The following RNF13 variants were observed in gnomAD, a reference collection of about 807,000 sequenced individuals.
RNF13 encodes ring finger protein 13.
A neutral mutation model predicts 37.7 loss-of-function variants in RNF13; 19 were observed. That is an observed-to-expected ratio of 0.50 (90% confidence interval 0.35 to 0.74). RNF13 has a LOEUF of 0.74. Ranked by LOEUF, RNF13 falls within the 30% of genes least tolerant of loss-of-function variation. The probability of loss-of-function intolerance (pLI) is 0.01; values close to 1 mark genes in which losing one functional copy is unlikely to be tolerated. For missense variants in RNF13, 375 were observed against 453.0 expected (o/e 0.83, Z 1.56); for synonymous variants, 144 against 157.8 (o/e 0.91, Z 0.65).
At chr3:149,949,315 A>T (rs1721078732) in intron 8 of RNF13, among the ~76,000 whole-genome samples, 1 of 151,970 alleles carries the variant, frequency 6.6e-6, no homozygotes, top group Admixed American at 6.6e-5. Context: ...TAAACATAGC[A>T]TTCTTGATTG....
At chr3:149,855,236 T>G (rs960914719) in intron 3 of RNF13, among the ~76,000 whole-genome samples, 1 of 152,146 alleles carries the variant, frequency 6.6e-6, no homozygotes, top group Non-Finnish European at 1.5e-5. Context: ...GGAGAATCGC[T>G]TGAACCCAGG....
intron 1 of RNF13, among the ~76,000 whole-genome samples, chr3:149,831,240 A>T (rs1237781141): frequency 6.6e-6 from 1 of 152,208 alleles, no homozygotes; most frequent in Non-Finnish European, 1.5e-5. Context: ...AGACTCCAGA[A>T]TGGTAGATCC....
Position 149,895,538 on chromosome 3 carries a change from C to A in RNF13, c.387C>A (p.Leu129=), listed in dbSNP as rs369737612. The A allele has an allele frequency of 6.2e-7, 1 of 1,606,008 alleles. No individual in the cohort carries two copies. Among genetic ancestry groups the A allele is most frequent in the Non-Finnish European group, 8.5e-7 (1 of 1,174,822 alleles). The change falls in exon 5 of 10, where the codon CTC becomes CTA. Residue 129 remains leucine, a synonymous_variant. Coordinates refer to ENST00000392894, the MANE Select transcript of RNF13 (RefSeq NM_183381.3). ...TTCACAATGTTGATTCTGATGACCT[C>A]ATTAGCATGGGATCCAACGACAGTA... ...AIVHNVDSDD[L]ISMGSNDIEV...
intron 8 of RNF13, among the ~76,000 whole-genome samples, chr3:149,949,370 A>G (rs1721083966): frequency 6.6e-6 from 1 of 150,508 alleles, no homozygotes; most frequent in South Asian, 2.1e-4. Context: ...CCTAGCCTGC[A>G]GGGTTTCTGC....
At chr3:149,866,515 G>A (rs1711496957) in intron 3 of RNF13, among the ~76,000 whole-genome samples, 1 of 152,180 alleles carries the variant, frequency 6.6e-6, no homozygotes, top group African/African-American at 2.4e-5. Context: ...TATCAGCAAG[G>A]TCTTTATGAC....
In RNF13 at chr3:149,906,316, C is replaced by T. The variant is rs189152824; in HGVS notation, c.500+4154C>T. On this transcript the variant is annotated intron_variant, in intron 6 of 9. Coordinates refer to ENST00000392894, the MANE Select transcript of RNF13 (RefSeq NM_183381.3). ...TTCACTATTTGTGTACAAATTTTTA[C>T]ATGTGCATATGTTTTTATTTCTCTT... Among the ~76,000 whole-genome samples the T allele has an allele frequency of 3.2e-3, 492 of 151,858 alleles. 2 individuals are homozygous for T. The highest frequency in any genetic ancestry group is 3.3e-3 in the Non-Finnish European group (224 of 67,924).
intron 8 of RNF13, among the ~76,000 whole-genome samples, chr3:149,946,516 A>G (rs1284789338): frequency 6.6e-6 from 1 of 152,156 alleles, no homozygotes; most frequent in Non-Finnish European, 1.5e-5. Flanking sequence ...ATGTTCACAT[A>G]GATTTCTTAT....
At chr3:149,931,229 AATT>A (rs1410458082) in intron 8 of RNF13, among the ~76,000 whole-genome samples, 2 of 151,730 alleles carry the variant, frequency 1.3e-5, no homozygotes, top group Admixed American at 6.6e-5. Context: ...GTGGCCGGCT[AATT>A]TTTTTATTTT....
At chr3:149,831,252 C>G (rs1272019990) in intron 1 of RNF13, among the ~76,000 whole-genome samples, 1 of 152,192 alleles carries the variant, frequency 6.6e-6, no homozygotes, top group Non-Finnish European at 1.5e-5. Flanking sequence ...GGTAGATCCA[C>G]CAATGGCTTG....
chr3:149,881,106 A>G (rs750646646), intron 4 of RNF13, among the ~76,000 whole-genome samples: 9 of 152,242 alleles, frequency 5.9e-5, no homozygotes, highest in Non-Finnish European at 1.3e-4. Context: ...GTAATGGATC[A>G]TGACCTATAG....
chr3:149,875,692 A>ATT (rs1712599083), intron 4 of RNF13, among the ~76,000 whole-genome samples: 1 of 152,178 alleles, frequency 6.6e-6, no homozygotes, highest in Non-Finnish European at 1.5e-5. Flanking sequence ...ATGCAGCAAA[A>ATT]CCCATGCTCA....
chr3:149,921,221 A>G lies in RNF13; in HGVS notation c.694A>G (p.Lys232Glu). The change falls in exon 8 of 10, where the codon AAG becomes GAG. Residue 232 changes from lysine to glutamate, a missense_variant. Transcript: ENST00000392894. ...TAAGAAACTTCCTGTACATAAATTC[A>G]AGAAAGGTAAGTATTTGTTTTCTAA... ...QLKKLPVHKF[K>E]KGDEYDVCAI... 2 of 1,360,634 alleles carry G rather than the reference A, an allele frequency of 1.5e-6. No homozygotes were observed. Among genetic ancestry groups the G allele is most frequent in the Non-Finnish European group, 9.8e-7 (1 of 1,016,944 alleles). 84.3% of individuals were successfully genotyped at this position (1,360,634 alleles called of 1,614,324 possible).
intron 8 of RNF13, among the ~76,000 whole-genome samples, chr3:149,927,655 T>A (rs939765490): frequency 6.6e-6 from 1 of 152,224 alleles, no homozygotes; most frequent in African/African-American, 2.4e-5. Context: ...AATATAGCTA[T>A]CCTAATGGGT....
At position 149,872,163 on chromosome 3, in the gene RNF13, A is replaced by T; in HGVS notation, c.321+9A>T. The T allele has an allele frequency of 1.3e-6, 2 of 1,515,286 alleles. No individual in the cohort carries two copies. The highest frequency in any genetic ancestry group is 1.8e-6 in the Non-Finnish European group (2 of 1,119,204). 93.9% of individuals were successfully genotyped at this position (1,515,286 alleles called of 1,614,324 possible). The stretch of plus-strand genomic sequence containing the variant: ...GTAATTTTGATATAAAGGTATGATT[A>T]TCTTTTTTCATTTTTTGTTTCCTAT... On this transcript the variant is annotated intron_variant, in intron 4 of 9. Coordinates refer to ENST00000392894, the MANE Select transcript of RNF13 (RefSeq NM_183381.3).
At chr3:149,850,446 T>C (rs1576761086) in intron 2 of RNF13, among the ~76,000 whole-genome samples, 1 of 152,350 alleles carries the variant, frequency 6.6e-6, no homozygotes, top group East Asian at 1.9e-4. Context: ...ACAATCCTTA[T>C]TTTGCTGTTA....
In RNF13 at chr3:149,906,978, G is replaced by GT. The variant is rs1716482210; in HGVS notation, c.500+4823dup. On this transcript the variant is annotated intron_variant, in intron 6 of 9. Coordinates refer to ENST00000392894, the MANE Select transcript of RNF13 (RefSeq NM_183381.3). ...GTTTTTATGTATTCAGCTTTGTTTA[G>GT]TTTTTTTAGTCCAAAATCTATGTGA... is the stretch of plus-strand genomic sequence containing the variant. 2.0e-5 allele frequency among the ~76,000 whole-genome samples: 3 copies of GT among 151,912 alleles called. No individual in the cohort carries two copies. The South Asian group carries it at 6.2e-4, about 32-fold the overall frequency.
intron 3 of RNF13, among the ~76,000 whole-genome samples, chr3:149,855,906 A>G (rs1246205705): frequency 1.3e-5 from 2 of 152,198 alleles, no homozygotes; most frequent in African/African-American, 2.4e-5. Flanking sequence ...CTGATTACTA[A>G]TGATGATCTG....
At chr3:149,914,833 G>A (rs1717344528) in intron 7 of RNF13, among the ~76,000 whole-genome samples, 1 of 151,976 alleles carries the variant, frequency 6.6e-6, no homozygotes, top group Non-Finnish European at 1.5e-5. Flanking sequence ...AGCTACTCGG[G>A]AGGCTGAGGC....
chr3:149,818,130 GA>G (rs1719650795), intron 1 of RNF13, among the ~76,000 whole-genome samples: 1 of 152,144 alleles, frequency 6.6e-6, no homozygotes, highest in African/African-American at 2.4e-5. Flanking sequence ...ACCATTTTTG[GA>G]AACATTACTT....
Sources: gnomAD v4.1 joint callset for allele counts (sites outside exome capture counted in the v4.1 genomes callset) on GRCh38, gnomAD v4.1.1 for gene constraint, MANE v1.5 for transcripts, NCBI Gene and HGNC (gene_info 2026-07-23, HGNC 2026-07-21) for gene names.